TRPC4: variants seen among roughly 807,000 people sequenced by gnomAD.
TRPC4 encodes the protein short transient receptor potential channel 4.
In TRPC4, 49 loss-of-function variants were observed where a neutral mutation model predicts 99.4. That is an observed-to-expected ratio of 0.49 (90% CI 0.39 to 0.63). The LOEUF is 0.63. TRPC4 is among the 20% of genes least tolerant of loss of function. The pLI is 0.00. For synonymous variants in TRPC4, 454 were observed against 425.9 expected (o/e 1.07, Z -0.81); for missense variants, 898 against 1,152.9 (o/e 0.78, Z 3.20).
intron 1 of TRPC4, among the ~76,000 whole-genome samples, chr13:37,862,375 T>C (rs1276022732): frequency 1.3e-5 from 2 of 151,510 alleles, no homozygotes; most frequent in Admixed American, 6.6e-5. Context: ...GTAATATCTA[T>C]GTATAAAAGG....
chr13:37,814,262 G>A (rs889353780), intron 1 of TRPC4, among the ~76,000 whole-genome samples: 3 of 151,504 alleles, frequency 2.0e-5, no homozygotes, highest in Non-Finnish European at 1.5e-5. Flanking sequence ...CTGAGATGGT[G>A]AACAAGACAA....
Position 37,783,055 on chromosome 13 carries a change from A to G in TRPC4, c.279T>C (p.Asn93=), listed in dbSNP as rs761038898. 1.2e-6 allele frequency: 2 copies of G among 1,613,298 alleles called. No individual in the cohort carries two copies. The highest frequency in any genetic ancestry group is 2.2e-5 in the South Asian group (2 of 91,048). ...GTAATAGAGCATCTCCAACATAGAC[A>G]TTAAAGCTTAAGAGTAGTTCGATGA... ...LELIELLLSF[N]VYVGDALLHA... The change falls in exon 2 of 11, where the codon AAT becomes AAC. Residue 93 remains asparagine, a synonymous_variant. Coordinates refer to ENST00000379705, the MANE Select transcript of TRPC4 (RefSeq NM_016179.4).
chr13:37,690,912 T>A (rs530656968), intron 4 of TRPC4, among the ~76,000 whole-genome samples: 3 of 152,230 alleles, frequency 2.0e-5, no homozygotes, highest in Non-Finnish European at 4.4e-5. Flanking sequence ...ATTTGTCACA[T>A]ATTTTCTAAT....
intron 8 of TRPC4, among the ~76,000 whole-genome samples, chr13:37,642,283 C>T (rs1014694730): frequency 6.6e-6 from 1 of 152,180 alleles, no homozygotes; most frequent in African/African-American, 2.4e-5. Flanking sequence ...CCTAATGAGA[C>T]AGCCATATGT....
chr13:37,766,863 G>A (rs1956387866), intron 2 of TRPC4, among the ~76,000 whole-genome samples: 1 of 151,420 alleles, frequency 6.6e-6, no homozygotes, highest in Non-Finnish European at 1.5e-5. Flanking sequence ...TGCTTAGGCA[G>A]TGGCAGAGTG....
chr13:37,734,629 T>A (rs1955341156), intron 3 of TRPC4, among the ~76,000 whole-genome samples: 1 of 152,028 alleles, frequency 6.6e-6, no homozygotes, highest in East Asian at 1.9e-4. Context: ...TATCAAAACA[T>A]CACTATGTGC....
intron 2 of TRPC4, among the ~76,000 whole-genome samples, chr13:37,756,055 A>T (rs534356689): frequency 6.6e-6 from 1 of 152,240 alleles, no homozygotes; most frequent in South Asian, 2.1e-4. Flanking sequence ...AATCAACACA[A>T]GAAATTTCAA....
At chr13:37,666,688 A>T (rs368098645) in intron 5 of TRPC4, among the ~76,000 whole-genome samples, 92 of 152,300 alleles carry the variant, frequency 6.0e-4, no homozygotes, top group African/African-American at 2.1e-3. Flanking sequence ...ATTTTAAAAA[A>T]TTTCTTTGCC....
chr13:37,770,815 T>C (rs960661204), intron 2 of TRPC4, among the ~76,000 whole-genome samples: 3 of 151,674 alleles, frequency 2.0e-5, no homozygotes, highest in Admixed American at 2.0e-4. Flanking sequence ...CCATTCAGGA[T>C]GAAGCGTGTA....
intron 4 of TRPC4, among the ~76,000 whole-genome samples, chr13:37,679,324 TGAA>T (rs1953160362): frequency 6.6e-6 from 1 of 152,116 alleles, no homozygotes; most frequent in Non-Finnish European, 1.5e-5. Flanking sequence ...TAACTTAATT[TGAA>T]TGTAGCCAAA....
chr13:37,789,655 A>G (rs1020605228), intron 1 of TRPC4, among the ~76,000 whole-genome samples: 1 of 151,602 alleles, frequency 6.6e-6, no homozygotes, highest in African/African-American at 2.4e-5. Context: ...CTGTTAAGCT[A>G]TCAAATCACC....
At chr13:37,829,406 T>C (rs962692835) in intron 1 of TRPC4, among the ~76,000 whole-genome samples, 7 of 152,016 alleles carry the variant, frequency 4.6e-5, no homozygotes, top group African/African-American at 1.7e-4. Context: ...AAAACCACAA[T>C]GAGATACCAC....
chr13:37,649,975 G>T (rs1488700156), intron 8 of TRPC4, among the ~76,000 whole-genome samples: 2 of 152,116 alleles, frequency 1.3e-5, no homozygotes, highest in Non-Finnish European at 2.9e-5. Context: ...ATGGGTAATA[G>T]TTTATGGGAA....
At chr13:37,755,571 G>T (rs1415583346) in intron 2 of TRPC4, among the ~76,000 whole-genome samples, 1 of 151,652 alleles carries the variant, frequency 6.6e-6, no homozygotes, top group Admixed American at 6.6e-5. Flanking sequence ...ACCACGCCTA[G>T]ATCATATTTT....
chr13:37,647,164 T>C (rs1196583473), intron 8 of TRPC4, among the ~76,000 whole-genome samples: 1 of 151,926 alleles, frequency 6.6e-6, no homozygotes, highest in Non-Finnish European at 1.5e-5. Context: ...CCCTGAAGAG[T>C]ACTGGTTTCC....
chr13:37,651,485 T>C, intron 7 of TRPC4, 26 bp from the exon 8 acceptor site: 2 of 1,599,984 alleles, frequency 1.3e-6, no homozygotes, highest in Non-Finnish European at 1.7e-6. Context: ...TGACAACTGA[T>C]GATAGGTTCC....
In TRPC4 at chr13:37,650,437, A is replaced by T. The variant is rs146273572; in HGVS notation, c.2079+828T>A. ...CTTATGTCAATGGTATGGCTGCACCAAAAGCTTCACGTGGTGTATCTTCTG... is the reference window on the plus strand; with the variant it reads ...CTTATGTCAATGGTATGGCTGCACCTAAAGCTTCACGTGGTGTATCTTCTG... On this transcript the variant is annotated intron_variant, in intron 8 of 10. Transcript: ENST00000379705. Among the ~76,000 whole-genome samples the T allele has an allele frequency of 2.0e-3, 301 of 152,242 alleles. 10 individuals are homozygous for T. In the East Asian group the frequency reaches 0.053, roughly 27 times the overall value.
chr13:37,667,238 T>C (rs542403791), intron 5 of TRPC4, among the ~76,000 whole-genome samples: 22 of 152,312 alleles, frequency 1.4e-4, no homozygotes, highest in African/African-American at 5.1e-4. Flanking sequence ...TTCTCAGATA[T>C]AACTGCAGCA....
chr13:37,639,205 G>T, intron 9 of TRPC4, 53 bp downstream of exon 9: 1 of 1,611,854 alleles, frequency 6.2e-7, no homozygotes, highest in Non-Finnish European at 8.5e-7. Flanking sequence ...CTGAAGGGGG[G>T]ACTGCATTTT....
Sources: gnomAD v4.1 joint callset for allele counts (sites outside exome capture counted in the v4.1 genomes callset) on GRCh38, gnomAD v4.1.1 for gene constraint, MANE v1.5 for transcripts, NCBI Gene and HGNC (gene_info 2026-07-23, HGNC 2026-07-21) for gene names.